The following FAM120AOS variants were observed in gnomAD, a reference collection of about 807,000 sequenced individuals.
FAM120AOS encodes the protein family with sequence similarity 120 member A opposite strand.
FAM120AOS carries 15 observed loss-of-function variants against 20.2 expected under a neutral mutation model. The observed-to-expected ratio is 0.74, with a 90% CI of 0.50 to 1.15. The LOEUF (loss-of-function observed/expected upper bound fraction) is 1.15, where lower values mean the gene tolerates loss of function less well. FAM120AOS is among the 50% of genes most tolerant of loss of function. The probability of loss-of-function intolerance (pLI) is 0.00; values close to 1 mark genes in which losing one functional copy is unlikely to be tolerated. For missense variants in FAM120AOS, 327 were observed against 351.9 expected (o/e 0.93, Z 0.57); for synonymous variants, 154 against 154.0 (o/e 1.00, Z 0.00).
rs1856888581 is a variant in FAM120AOS at position 93,447,430 on chromosome 9, G to C, written c.*181C>G. The C allele has an allele frequency of 8.3e-6, 5 of 599,874 alleles. No homozygotes were observed. In the South Asian group the frequency reaches 1.0e-4, roughly 12 times the overall value. The allele number at this position is 599,874 out of a possible 1,614,324, so 37.2% of individuals were successfully genotyped here. A position where few individuals can be genotyped will look rare whatever the true frequency, so the allele number is the denominator to read the frequency against. On this transcript the variant is annotated 3_prime_UTR_variant, in exon 3 of 3. Coordinates refer to ENST00000375412, the MANE Select transcript of FAM120AOS (RefSeq NM_198841.4). The stretch of plus-strand genomic sequence containing the variant: ...TTTCCTCTCTTGACCTTCACATTCA[G>C]ATGTGTTAATAAAAGTGGATAAAGA...
At chr9:93,451,498 G>C (rs922855889) in intron 1 of FAM120AOS, 2 of 1,027,720 alleles carry the variant, frequency 1.9e-6, no homozygotes, top group African/African-American at 3.4e-5. Flanking sequence ...AAGCCTCCCG[G>C]ATCCCGTCCC....
Position 93,452,031 on chromosome 9 carries a change from C to A in FAM120AOS, c.563+116G>T. 6.4e-7 allele frequency: 1 copy of A among 1,564,558 alleles called. No homozygotes were observed. On this transcript the variant is annotated intron_variant, in intron 1 of 2. Coordinates refer to ENST00000375412, the MANE Select transcript of FAM120AOS (RefSeq NM_198841.4). The surrounding 1 kb of genome is among the most constrained non-coding windows in gnomAD (Gnocchi z 7.0). ...CTGGTGGGCGGCGGGCGGCAGCGGC[C>A]CCCGCAGACCCCGCTGCGCCTGCTG...
rs923917126 is a variant in FAM120AOS at position 93,443,705 on chromosome 9, G to T, written c.*3906C>A. ...CTGTGTTGCCTGGGCTCTGTCTCTT[G>T]TATGTGCAGCTCTGGGCTGAGCACG... is the stretch of plus-strand genomic sequence containing the variant. On this transcript the variant is annotated 3_prime_UTR_variant, in exon 3 of 3. Coordinates refer to ENST00000375412, the MANE Select transcript of FAM120AOS (RefSeq NM_198841.4). 1.3e-5 allele frequency among the ~76,000 whole-genome samples: 2 copies of T among 152,180 alleles called. No individual in the cohort carries two copies. The highest frequency in any genetic ancestry group is 4.8e-5 in the African/African-American group (2 of 41,440).
intron 2 of FAM120AOS, 35 bp from the exon 3 acceptor site, chr9:93,447,732 A>C (rs758280605): frequency 1.9e-5 from 30 of 1,548,742 alleles, no homozygotes; most frequent in Non-Finnish European, 2.7e-5. Context: ...TTTATATATT[A>C]GTTTGGAATA....
intron 1 of FAM120AOS, chr9:93,451,385 C>T: frequency 7.1e-7 from 1 of 1,400,304 alleles, no homozygotes; most frequent in Non-Finnish European, 9.3e-7. Context: ...GGCGGCCTCT[C>T]TGGCCCTGCC....
At position 93,452,496 on chromosome 9, in the gene FAM120AOS, GAGTTCCC is replaced by G. The variant is rs1429721725; in HGVS notation, c.207_213del (p.Gly70AlafsTer19). On this transcript the variant is annotated frameshift_variant, in exon 1 of 3. Transcript: ENST00000375412. LOFTEE classifies it high-confidence loss of function. This position sits in a 1 kb window ranked among gnomAD's most constrained non-coding sequence, Gnocchi z 7.0. ...CGGCCGTGGCGGCGCTGGGGGCAGC[GAGTTCCC>G]CCAGCCCTTGCCCGGGATAGCCTGG... 4.5e-6 allele frequency: 7 copies of G among 1,545,542 alleles called. No homozygotes were observed. The highest frequency in any genetic ancestry group is 3.9e-5 in the Admixed American group (2 of 51,308).
At position 93,452,607 on chromosome 9, in the gene FAM120AOS, G is replaced by T. The variant is rs763809818; in HGVS notation, c.103C>A (p.Pro35Thr). Residue 35 changes from proline to threonine, a missense_variant, in exon 1 of 3, where the codon CCG becomes ACG. Coordinates refer to ENST00000375412, the MANE Select transcript of FAM120AOS (RefSeq NM_198841.4). The surrounding 1 kb of genome is among the most constrained non-coding windows in gnomAD (Gnocchi z 7.0). ...GCCCGTCTCCAGCTGTCCCTGTTCG[G>T]GGTCCGCGGCCGCGTGGGGACACTT... ...PSSVPTRPRTPNRDSWRRAWA... is the reference protein window; with the variant it reads ...PSSVPTRPRTTNRDSWRRAWA... 1 of 1,599,090 alleles carries T rather than the reference G, an allele frequency of 6.3e-7. No homozygotes were observed. The highest frequency in any genetic ancestry group is 2.2e-5 in the East Asian group (1 of 44,852).
At chr9:93,449,178 G>A (rs1321906527) in intron 2 of FAM120AOS, among the ~76,000 whole-genome samples, 2 of 151,054 alleles carry the variant, frequency 1.3e-5, no homozygotes, top group African/African-American at 4.9e-5. Context: ...ACTGGTCTAT[G>A]TTCTCGAGTA....
rs1856832844 is a variant in FAM120AOS, at chr9:93,445,875, C to T, written c.*1736G>A. ...GATTTTAAAATATTATATAGTGCTT[C>T]CTAGTTTAACCAAACTGGAGGCATG... On this transcript the variant is annotated 3_prime_UTR_variant, in exon 3 of 3. Coordinates refer to ENST00000375412, the MANE Select transcript of FAM120AOS (RefSeq NM_198841.4). Among the ~76,000 whole-genome samples, 1 of 152,094 alleles carries T rather than the reference C, an allele frequency of 6.6e-6. No individual in the cohort carries two copies. Among genetic ancestry groups the T allele is most frequent in the African/African-American group, 2.4e-5 (1 of 41,396 alleles).
intron 2 of FAM120AOS, among the ~76,000 whole-genome samples, 177 bp from the exon 3 acceptor site, chr9:93,447,874 C>T (rs557718357): frequency 1.3e-5 from 2 of 152,214 alleles, no homozygotes; most frequent in East Asian, 1.9e-4. Flanking sequence ...ACTCAACTGC[C>T]GATACACGGC....
Position 93,450,611 on chromosome 9 carries a change from GAAC to G in FAM120AOS, c.564-15_564-13del, listed in dbSNP as rs1663115194. 5 of 1,604,318 alleles carry G rather than the reference GAAC, an allele frequency of 3.1e-6. No homozygotes were observed. The highest frequency in any genetic ancestry group is 4.3e-6 in the Non-Finnish European group (5 of 1,176,338). ...CTCTACAGAGGTTTCTCCAAAAAAA[GAAC>G]AAATGGAGAGATGAAGGTAAGTAAA... On this transcript the variant is annotated splice_polypyrimidine_tract_variant and intron_variant, in intron 1 of 2. Transcript: ENST00000375412.
intron 2 of FAM120AOS, among the ~76,000 whole-genome samples, chr9:93,449,492 A>ATT (rs10667664): frequency 0.62 from 66,910 of 108,324 alleles, 23,158 homozygotes; most frequent in East Asian, 0.82. Flanking sequence ...TGGCACTGGC[A>ATT]TTTTTTTTTT....
rs1474977916 is a variant in FAM120AOS at position 93,446,332 on chromosome 9, G to GT, written c.*1278dup. Among the ~76,000 whole-genome samples the GT allele has an allele frequency of 2.6e-5, 4 of 152,292 alleles. No homozygotes were observed. The East Asian group carries it at 7.7e-4, about 29-fold the overall frequency. ...TCTAGGTTACTCAAGCCTGGGGCTA[G>GT]TGTTTTCATATTCTGGTATGAGAGA... On this transcript the variant is annotated 3_prime_UTR_variant, in exon 3 of 3. Transcript: ENST00000375412.
At chr9:93,451,200 G>A (rs1857159276) in intron 1 of FAM120AOS, 2 of 1,538,014 alleles carry the variant, frequency 1.3e-6, no homozygotes, top group Non-Finnish European at 1.8e-6. Context: ...AGCAGGCCCA[G>A]AGTGGTGCGA....
At position 93,453,529 on chromosome 9, in the gene FAM120AOS, C is replaced by G; in HGVS notation, c.-820G>C. ...GCTGGAGCTGAAAGTTTGTGAAATT[C>G]TGTCTTCGCGGTTGCCCCCACTGCC... On this transcript the variant is annotated 5_prime_UTR_variant, in exon 1 of 3. Transcript: ENST00000375412. 1 of 985,442 alleles carries G rather than the reference C, an allele frequency of 1.0e-6. No individual in the cohort carries two copies. The highest frequency in any genetic ancestry group is 1.2e-6 in the Non-Finnish European group (1 of 829,936). The allele number at this position is 985,442 out of a possible 1,614,324, so 61.0% of individuals were successfully genotyped here.
In FAM120AOS at chr9:93,452,625, G is replaced by C; in HGVS notation, c.85C>G (p.Pro29Ala). ...CTGTTCGGGGTCCGCGGCCGCGTGG[G>C]GACACTTGAGGGCTGGGAGAGAGCC... Reference protein sequence around the residue: ...SGALSQPSSVPTRPRTPNRDS... With the variant: ...SGALSQPSSVATRPRTPNRDS... The change falls in exon 1 of 3, where the codon CCC (proline) becomes GCC (alanine). Residue 29 changes from proline to alanine, a missense_variant. By Grantham distance (27) the Pro-to-Ala change is conservative. Transcript: ENST00000375412. The surrounding 1 kb of genome is among the most constrained non-coding windows in gnomAD (Gnocchi z 7.0). The C allele has an allele frequency of 1.3e-6, 2 of 1,599,234 alleles. No individual in the cohort carries two copies. Among genetic ancestry groups the C allele is most frequent in the Non-Finnish European group, 1.7e-6 (2 of 1,179,884 alleles).
At position 93,452,562 on chromosome 9, in the gene FAM120AOS, G is replaced by A; in HGVS notation, c.148C>T (p.His50Tyr). The change falls in exon 1 of 3, where the codon CAC becomes TAC. Residue 50 changes from histidine (H) to tyrosine (Y), a missense_variant. This residue lies in a region of FAM120AOS where 155 missense variants were observed against 128.8 expected (regional missense o/e 1.20). Coordinates refer to ENST00000375412, the MANE Select transcript of FAM120AOS (RefSeq NM_198841.4). This position sits in a 1 kb window ranked among gnomAD's most constrained non-coding sequence, Gnocchi z 7.0. The part of the protein sequence containing the change: ...WRRAWAARGL[H>Y]PRPSILQPGP... Reference sequence around the variant, plus strand: ...GGCTGCAAGATGGATGGCCGCGGGTGCAGGCCGCGCGCTGCCCAAGCCCGT... The same window carrying A: ...GGCTGCAAGATGGATGGCCGCGGGTACAGGCCGCGCGCTGCCCAAGCCCGT... 6.3e-7 allele frequency: 1 copy of A among 1,588,144 alleles called. No individual in the cohort carries two copies.
intron 1 of FAM120AOS, chr9:93,451,678 C>T (rs1857212513): frequency 3.1e-6 from 3 of 975,486 alleles, no homozygotes; most frequent in Non-Finnish European, 3.6e-6. Context: ...TCAGCCTCGG[C>T]CTCGGCCTCG....
intron 2 of FAM120AOS, among the ~76,000 whole-genome samples, chr9:93,450,035 A>G (rs1371638818): frequency 6.6e-6 from 1 of 151,714 alleles, no homozygotes; most frequent in Non-Finnish European, 1.5e-5. Context: ...CCCAGGCTAG[A>G]GAGTGCAGTG....
Sources: allele counts gnomAD v4.1 joint callset (sites outside exome capture counted in the v4.1 genomes callset), GRCh38; gene constraint gnomAD v4.1.1; regional missense constraint gnomAD v4.1.1; non-coding constraint Gnocchi (gnomAD v3.1); transcripts MANE v1.5; gene names NCBI Gene and HGNC (gene_info 2026-07-23, HGNC 2026-07-21).